The following MND1 variants were observed in gnomAD, a reference collection of about 807,000 sequenced individuals.
MND1 encodes meiotic nuclear division protein 1 homolog.
In MND1, 28 loss-of-function variants were observed where a neutral mutation model predicts 35.1. The ratio of observed to expected loss-of-function variants is 0.80; its 90% CI spans 0.59 to 1.09. MND1 has a LOEUF of 1.09. Ranked by LOEUF, MND1 falls within the 50% of genes least tolerant of loss-of-function variation. The pLI is 0.00. For synonymous variants in MND1, 69 were observed against 70.5 expected, an observed-to-expected ratio of 0.98 and a Z score of 0.11; for missense variants, 213 against 239.6, an observed-to-expected ratio of 0.89 and a Z score of 0.73.
chr4:153,377,340 G>A (rs910763966), intron 4 of MND1, among the ~76,000 whole-genome samples: 1 of 152,146 alleles, frequency 6.6e-6, no homozygotes, highest in African/African-American at 2.4e-5. Context: ...GTTCTTTATA[G>A]CTAAAACTGA....
intron 6 of MND1, among the ~76,000 whole-genome samples, chr4:153,404,438 G>A (rs528607550): frequency 4.1e-5 from 6 of 147,804 alleles, no homozygotes; most frequent in East Asian, 4.0e-4. Context: ...TGATCTGCCC[G>A]CCTCAGCCTC....
rs1773237575 is a variant in MND1 at position 153,352,391 on chromosome 4, C to G, written c.69+2262C>G. Among the ~76,000 whole-genome samples the G allele has an allele frequency of 2.0e-5, 3 of 152,120 alleles. No homozygotes were observed. In the South Asian group the frequency reaches 6.2e-4, roughly 32 times the overall value. On this transcript the variant is annotated intron_variant, in intron 2 of 7. Transcript: ENST00000240488. ...ACATGAGAACAGTATAGCTCAATAACTGAAAGCTTGCATCTGGAACCTGTT... is the reference window on the plus strand; with the variant it reads ...ACATGAGAACAGTATAGCTCAATAAGTGAAAGCTTGCATCTGGAACCTGTT...
chr4:153,368,273 C>G (rs1397305232), intron 4 of MND1, among the ~76,000 whole-genome samples: 1 of 152,152 alleles, frequency 6.6e-6, no homozygotes, highest in African/African-American at 2.4e-5. Context: ...TCCTCAAGCT[C>G]TCATTGCTTA....
intron 3 of MND1, among the ~76,000 whole-genome samples, 200 bp from the exon 4 acceptor site, chr4:153,358,274 T>G (rs1003803238): frequency 2.0e-5 from 3 of 152,220 alleles, no homozygotes; most frequent in Non-Finnish European, 4.4e-5. Flanking sequence ...TAAGTCATGC[T>G]TTGCTTAAGG....
At chr4:153,410,453 AAGAG>A (rs1347630339) in intron 7 of MND1, among the ~76,000 whole-genome samples, 2 of 152,204 alleles carry the variant, frequency 1.3e-5, no homozygotes, top group Non-Finnish European at 2.9e-5. Flanking sequence ...AGACAGAGAT[AAGAG>A]AGAAAGCATC....
chr4:153,409,073 A>G (rs1360061490), intron 7 of MND1, 58 bp downstream of exon 7: 2 of 1,057,710 alleles, frequency 1.9e-6, no homozygotes, highest in Non-Finnish European at 2.6e-6. Flanking sequence ...ACTTACTGCG[A>G]CGTGAAATTC....
In MND1 at chr4:153,372,386, T is replaced by A. The variant is rs758916800; in HGVS notation, c.276+13764T>A. Among the ~76,000 whole-genome samples, 283 of 151,100 alleles carry A rather than the reference T, an allele frequency of 1.9e-3. 1 individual carries two copies. The highest frequency in any genetic ancestry group is 2.9e-3 in the Non-Finnish European group (197 of 67,836). On this transcript the variant is annotated intron_variant, in intron 4 of 7. Transcript: ENST00000240488. ...TTAGAGGATATCATAGGATTTTTTT[T>A]AAAAAAAACTTTTTATGTGTGTATA...
At chr4:153,398,424 C>T (rs1457196454) in intron 6 of MND1, among the ~76,000 whole-genome samples, 1 of 152,154 alleles carries the variant, frequency 6.6e-6, no homozygotes, top group Non-Finnish European at 1.5e-5. Context: ...CTAAGCTGGC[C>T]TAGTCCTTGG....
At chr4:153,407,494 T>C (rs1729548493) in intron 6 of MND1, among the ~76,000 whole-genome samples, 1 of 152,036 alleles carries the variant, frequency 6.6e-6, no homozygotes, top group Non-Finnish European at 1.5e-5. Context: ...GTGATGAGAA[T>C]GTGGAGAGAC....
At chr4:153,393,956 G>T in intron 4 of MND1, among the ~76,000 whole-genome samples, 2 of 111,212 alleles carry the variant, frequency 1.8e-5, no homozygotes, top group Non-Finnish European at 3.4e-5. Flanking sequence ...TTTGAGATGG[G>T]GTCTTGCTCT....
rs184749509 is a variant in MND1, at chr4:153,349,876, C to T, written c.4-188C>T. ...CAGGCTCTGCCTCAATTTACAGTTA[C>T]CATCTTGGCAGCACCTACCACAGTG... On this transcript the variant is annotated intron_variant, in intron 1 of 7. Coordinates refer to ENST00000240488, the MANE Select transcript of MND1 (RefSeq NM_032117.4). 3.2e-3 allele frequency among the ~76,000 whole-genome samples: 489 copies of T among 152,314 alleles called. 6 individuals are homozygous for T. The highest frequency in any genetic ancestry group is 0.011 in the African/African-American group (474 of 41,572).
At chr4:153,374,422 G>A (rs1728436124) in intron 4 of MND1, among the ~76,000 whole-genome samples, 1 of 152,138 alleles carries the variant, frequency 6.6e-6, no homozygotes, top group South Asian at 2.1e-4. Context: ...ATACATGCCA[G>A]ACTGCCTAAA....
Position 153,359,664 on chromosome 4 carries a change from C to T in MND1, c.276+1042C>T, listed in dbSNP as rs76522007. On this transcript the variant is annotated intron_variant, in intron 4 of 7. Coordinates refer to ENST00000240488, the MANE Select transcript of MND1 (RefSeq NM_032117.4). The stretch of plus-strand genomic sequence containing the variant: ...TAAGAGTTACTATTGGTTCACATCA[C>T]TGCCAGGATTTGGTGTTGTCAGTGT... Among the ~76,000 whole-genome samples the T allele has an allele frequency of 5.1e-4, 78 of 152,170 alleles. No individual in the cohort carries two copies. The East Asian group carries it at 0.01, about 20-fold the overall frequency.
chr4:153,344,762 C>A (rs1773028834), intron 1 of MND1, 22 bp downstream of exon 1: 3 of 1,600,442 alleles, frequency 1.9e-6, no homozygotes, highest in African/African-American at 2.7e-5. Flanking sequence ...GGCTACGGTC[C>A]CGCGTCTTCT....
chr4:153,350,212 T>C (rs971655170), intron 2 of MND1, 83 bp downstream of exon 2: 49 of 948,390 alleles, frequency 5.2e-5, no homozygotes, highest in Non-Finnish European at 7.4e-5. Flanking sequence ...GTCCCCTCTT[T>C]GTTAAACATC....
At chr4:153,385,649 G>A (rs562512681) in intron 4 of MND1, among the ~76,000 whole-genome samples, 40 of 151,378 alleles carry the variant, frequency 2.6e-4, no homozygotes, top group African/African-American at 9.7e-4. Context: ...TTAGGAGGTC[G>A]GGGTTGCAGT....
intron 1 of MND1, among the ~76,000 whole-genome samples, chr4:153,345,988 T>C (rs1268940522): frequency 6.6e-6 from 1 of 152,248 alleles, no homozygotes; most frequent in Non-Finnish European, 1.5e-5. Flanking sequence ...AATCACCTGC[T>C]AATACTAAAT....
chr4:153,382,883 A>G (rs1410435425), intron 4 of MND1, among the ~76,000 whole-genome samples: 2 of 152,234 alleles, frequency 1.3e-5, no homozygotes, highest in East Asian at 3.8e-4. Flanking sequence ...CAGAAGTAAA[A>G]CTGAATCAAG....
Position 153,402,861 on chromosome 4 carries a change from A to T in MND1, c.466+5528A>T, listed in dbSNP as rs1443280720. Among the ~76,000 whole-genome samples, 12 of 152,364 alleles carry T rather than the reference A, an allele frequency of 7.9e-5. No individual in the cohort carries two copies. In the East Asian group the frequency reaches 1.9e-3, roughly 24 times the overall value. On this transcript the variant is annotated intron_variant, in intron 6 of 7. Transcript: ENST00000240488. ...GAGGCAAACAGTAGACTAATCAAAAAGCTTAAAAGGGCCAGATGCAGTGGT... is the reference window on the plus strand; with the variant it reads ...GAGGCAAACAGTAGACTAATCAAAATGCTTAAAAGGGCCAGATGCAGTGGT...
Sources: gnomAD v4.1 joint callset for allele counts (sites outside exome capture counted in the v4.1 genomes callset) on GRCh38, gnomAD v4.1.1 for gene constraint, MANE v1.5 for transcripts, NCBI Gene and HGNC (gene_info 2026-07-23, HGNC 2026-07-21) for gene names.